The following IKZF2 variants were observed in gnomAD, a reference collection of about 807,000 sequenced individuals.
IKZF2 encodes the protein zinc finger protein Helios.
Under a neutral mutation model 49.2 loss-of-function variants are expected in IKZF2, and 15 were observed. That is an observed-to-expected ratio of 0.30 (90% confidence interval 0.20 to 0.47). The LOEUF (loss-of-function observed/expected upper bound fraction) is 0.47. Ranked by LOEUF, IKZF2 falls within the 20% of genes least tolerant of loss-of-function variation. The pLI is 1.00. For synonymous variants in IKZF2, 227 were observed against 221.4 expected (o/e 1.03, Z -0.23); for missense variants, 567 against 664.6 (o/e 0.85, Z 1.61).
intron 4 of IKZF2, among the ~76,000 whole-genome samples, chr2:213,064,931 T>C (rs1398480693): frequency 1.6e-4 from 24 of 152,082 alleles, no homozygotes; most frequent in Non-Finnish European, 2.9e-5. Context: ...CTCTTCTAAA[T>C]GTCTTCAAGA....
chr2:213,084,041 G>T lies in IKZF2; in HGVS notation c.140-26942C>A, dbSNP rs143759024. On this transcript the variant is annotated intron_variant, in intron 4 of 8. Coordinates refer to ENST00000434687, the MANE Select transcript of IKZF2 (RefSeq NM_001387220.1). ...CTTGGTGCCAAAAAGGTTGGGGATA[G>T]AATACAGATTATTTGGAGTAAGTCA... 5.5e-3 allele frequency among the ~76,000 whole-genome samples: 838 copies of T among 152,194 alleles called. 2 individuals carry two copies. The highest frequency in any genetic ancestry group is 8.3e-3 in the Non-Finnish European group (565 of 68,016).
intron 4 of IKZF2, chr2:213,081,052 T>C (rs1703895094): frequency 1.3e-5 from 2 of 154,624 alleles, no homozygotes; most frequent in South Asian, 2.0e-4. Context: ...ATGTCCAACA[T>C]GTATTAAGTT....
intron 7 of IKZF2, among the ~76,000 whole-genome samples, chr2:213,017,296 T>C (rs535918125): frequency 6.6e-6 from 1 of 152,306 alleles, no homozygotes; most frequent in South Asian, 2.1e-4. Flanking sequence ...TGCATCTTTG[T>C]TTCCTACTCA....
At chr2:213,038,537 C>T (rs967605074) in intron 6 of IKZF2, among the ~76,000 whole-genome samples, 2 of 150,754 alleles carry the variant, frequency 1.3e-5, no homozygotes, top group Non-Finnish European at 2.9e-5. Context: ...TTGCATGATA[C>T]ATACACTGAA....
chr2:213,116,162 A>C lies in IKZF2; in HGVS notation c.139+31546T>G, dbSNP rs376915770. 2.6e-5 allele frequency among the ~76,000 whole-genome samples: 4 copies of C among 152,240 alleles called. No individual in the cohort carries two copies. In the East Asian group the frequency reaches 5.8e-4, roughly 22 times the overall value. ...CTTTCTTCGTTACAGGAACACAAAA[A>C]AGAGATACCAGTTAGTCCATTACCA... On this transcript the variant is annotated intron_variant, in intron 4 of 8. Coordinates refer to ENST00000434687, the MANE Select transcript of IKZF2 (RefSeq NM_001387220.1).
At chr2:213,016,052 G>A (rs571613285) in intron 7 of IKZF2, among the ~76,000 whole-genome samples, 2 of 152,190 alleles carry the variant, frequency 1.3e-5, no homozygotes, top group African/African-American at 2.4e-5. Flanking sequence ...GATGATTTTG[G>A]CAGAGTTCTG....
At chr2:213,056,518 G>A in intron 5 of IKZF2, 4 of 441,716 alleles carry the variant, frequency 9.1e-6, no homozygotes, top group South Asian at 2.1e-5. Context: ...GGTAAAATAT[G>A]TATAGAAATA....
intron 4 of IKZF2, among the ~76,000 whole-genome samples, chr2:213,073,372 A>G (rs1251705813): frequency 3.3e-5 from 5 of 152,182 alleles, no homozygotes. Context: ...AGTAACCAGA[A>G]ATAAACTAAC....
chr2:213,147,472 T>C, intron 4 of IKZF2: 2 of 607,572 alleles, frequency 3.3e-6, no homozygotes, highest in South Asian at 4.1e-5. Flanking sequence ...CTTTCTTACC[T>C]GATACAGGTA....
In IKZF2 at chr2:213,000,377, A is replaced by T. The variant is rs955854646; in HGVS notation, c.*6983T>A. 6.6e-6 allele frequency: 1 copy of T among 151,066 alleles called. No individual in the cohort carries two copies. Among genetic ancestry groups the T allele is most frequent in the Non-Finnish European group, 1.5e-5 (1 of 67,402 alleles). The allele number at this position is 151,066 out of a possible 1,614,324, so 9.4% of individuals were successfully genotyped here. On this transcript the variant is annotated 3_prime_UTR_variant, in exon 9 of 9. Transcript: ENST00000434687. ...TTTTCTTTTTTTGCTTCTAAAACAC[A>T]AAATACCCTAGAAACTGTCAAGCAA...
chr2:213,119,538 G>A (rs2059983815), intron 4 of IKZF2, among the ~76,000 whole-genome samples: 3 of 152,148 alleles, frequency 2.0e-5, no homozygotes, highest in African/African-American at 7.2e-5. Context: ...AAGAAAGGAT[G>A]TACCACTGTT....
chr2:213,119,115 G>T (rs1195256135), intron 4 of IKZF2, among the ~76,000 whole-genome samples: 1 of 152,172 alleles, frequency 6.6e-6, no homozygotes, highest in Non-Finnish European at 1.5e-5. Flanking sequence ...GTGAAGACAC[G>T]TATCAGAATC....
intron 6 of IKZF2, among the ~76,000 whole-genome samples, chr2:213,031,465 T>A (rs957676853): frequency 1.3e-5 from 2 of 152,192 alleles, no homozygotes; most frequent in Non-Finnish European, 2.9e-5. Flanking sequence ...AAAAGAAAAC[T>A]GCTTTTTATT....
chr2:213,014,550 A>G (rs1384397), intron 7 of IKZF2: 33,814 of 151,856 alleles, frequency 0.22, 4,148 homozygotes, highest in Non-Finnish European at 0.26. Flanking sequence ...AATTTATTTT[A>G]AAAAGAGCTC....
intron 6 of IKZF2, among the ~76,000 whole-genome samples, chr2:213,024,574 A>G (rs1290833831): frequency 6.6e-6 from 1 of 152,174 alleles, no homozygotes; most frequent in Non-Finnish European, 1.5e-5. Context: ...AAGTAGGAAC[A>G]TTTCAGGTGA....
At chr2:213,017,892 T>C (rs1696788363) in intron 7 of IKZF2, among the ~76,000 whole-genome samples, 1 of 152,172 alleles carries the variant, frequency 6.6e-6, no homozygotes, top group South Asian at 2.1e-4. Context: ...CTCTAATACC[T>C]TTTATGATAC....
At chr2:213,025,812 A>G (rs923513793) in intron 6 of IKZF2, among the ~76,000 whole-genome samples, 3 of 152,084 alleles carry the variant, frequency 2.0e-5, no homozygotes, top group African/African-American at 7.2e-5. Context: ...AAGATTCACA[A>G]CAATGCACCC....
At chr2:213,149,539 T>C (rs150220300) in intron 2 of IKZF2, among the ~76,000 whole-genome samples, 48 of 152,192 alleles carry the variant, frequency 3.2e-4, no homozygotes, top group Admixed American at 9.8e-4. Flanking sequence ...CCTGAGAAGA[T>C]TTTTACTTTT....
chr2:213,143,662 G>A (rs1416327555), intron 4 of IKZF2, among the ~76,000 whole-genome samples: 1 of 151,872 alleles, frequency 6.6e-6, no homozygotes, highest in Non-Finnish European at 1.5e-5. Context: ...CCCATCTGGT[G>A]TTATATTAGG....
Sources: allele counts gnomAD v4.1 joint callset (sites outside exome capture counted in the v4.1 genomes callset), GRCh38; gene constraint gnomAD v4.1.1; transcripts MANE v1.5; gene names NCBI Gene and HGNC (gene_info 2026-07-23, HGNC 2026-07-21).